The following TTC28 variants were observed in gnomAD, a reference collection of about 807,000 sequenced individuals.
TTC28 encodes the protein tetratricopeptide repeat protein 28.
TTC28 carries 61 observed loss-of-function variants against 198.0 expected under a neutral mutation model. The observed-to-expected ratio is 0.31, with a 90% CI of 0.25 to 0.38. The LOEUF (loss-of-function observed/expected upper bound fraction) is 0.38, where lower values mean the gene tolerates loss of function less well. Among genes scored for constraint, TTC28 ranks in the 10% least tolerant of loss-of-function variants. The probability of loss-of-function intolerance (pLI) is 1.00; values close to 1 mark genes in which losing one functional copy is unlikely to be tolerated. For missense variants in TTC28, 2,678 were observed against 3,164.0 expected (o/e 0.85, Z 3.69); for synonymous variants, 1,171 against 1,297.8 (o/e 0.90, Z 2.10).
chr22:28,016,406 C>T (rs1938380052), intron 13 of TTC28, among the ~76,000 whole-genome samples: 1 of 152,232 alleles, frequency 6.6e-6, no homozygotes, highest in African/African-American at 2.4e-5. Flanking sequence ...CTGTTGGTTA[C>T]CACACACACG....
chr22:28,381,534 A>G (rs1243668169), intron 2 of TTC28, among the ~76,000 whole-genome samples: 4 of 152,072 alleles, frequency 2.6e-5, no homozygotes. Flanking sequence ...CTCTGATGAT[A>G]TTTTTTGTGG....
intron 5 of TTC28, among the ~76,000 whole-genome samples, chr22:28,235,881 C>G (rs548340070): frequency 2.0e-5 from 3 of 152,316 alleles, no homozygotes; most frequent in Admixed American, 1.3e-4. Context: ...GAACCCTCTT[C>G]TTTGTATGGT....
At chr22:28,622,012 G>A (rs1023887198) in intron 2 of TTC28, among the ~76,000 whole-genome samples, 3 of 152,004 alleles carry the variant, frequency 2.0e-5, no homozygotes, top group African/African-American at 4.8e-5. Flanking sequence ...GAAAACAACT[G>A]TAAAGTCTAG....
chr22:28,040,936 C>T (rs1322184459), intron 12 of TTC28, among the ~76,000 whole-genome samples: 1 of 152,148 alleles, frequency 6.6e-6, no homozygotes, highest in East Asian at 1.9e-4. Flanking sequence ...TTCCTCTACA[C>T]CAATAATAGA....
rs1332258071 is a variant in TTC28, at chr22:28,090,956, C to CTAAG, written c.3932+3120_3932+3123dup. 3.9e-5 allele frequency among the ~76,000 whole-genome samples: 6 copies of CTAAG among 152,262 alleles called. No individual in the cohort carries two copies. The East Asian group carries it at 1.2e-3, about 29-fold the overall frequency. ...CAGGAAAAACCTTATTTCTAGCAGT[C>CTAAG]TAAGGGGAAGATCTAGGCTACTGAG... is the stretch of plus-strand genomic sequence containing the variant. On this transcript the variant is annotated intron_variant, in intron 12 of 22. Coordinates refer to ENST00000397906, the MANE Select transcript of TTC28 (RefSeq NM_001145418.2).
chr22:28,501,046 TCA>T (rs1163073945), intron 2 of TTC28, among the ~76,000 whole-genome samples: 1 of 152,188 alleles, frequency 6.6e-6, no homozygotes, highest in Non-Finnish European at 1.5e-5. Flanking sequence ...ACAATATTCC[TCA>T]GTTTCTCTTT....
chr22:28,565,219 C>T (rs1233335351), intron 2 of TTC28, among the ~76,000 whole-genome samples: 2 of 152,018 alleles, frequency 1.3e-5, no homozygotes, highest in Middle Eastern at 3.4e-3. Context: ...GCTATGCTCC[C>T]TATGTCCCCA....
intron 6 of TTC28, among the ~76,000 whole-genome samples, chr22:28,152,854 T>C (rs189015349): frequency 1.3e-5 from 2 of 152,342 alleles, no homozygotes; most frequent in East Asian, 3.9e-4. Context: ...TAATCCAATG[T>C]ATAACAATTA....
intron 6 of TTC28, among the ~76,000 whole-genome samples, chr22:28,128,913 C>T (rs1942983933): frequency 1.3e-5 from 2 of 152,074 alleles, no homozygotes; most frequent in African/African-American, 2.4e-5. Flanking sequence ...TTAAGTAAGT[C>T]GTACCTGACA....
At chr22:28,415,435 A>G (rs892887405) in intron 2 of TTC28, among the ~76,000 whole-genome samples, 8 of 152,236 alleles carry the variant, frequency 5.3e-5, no homozygotes, top group Non-Finnish European at 1.0e-4. Context: ...GACTAGAATT[A>G]TAGTAAGATC....
intron 2 of TTC28, among the ~76,000 whole-genome samples, chr22:28,521,062 A>G (rs1394729702): frequency 6.6e-6 from 1 of 152,046 alleles, no homozygotes; most frequent in African/African-American, 2.4e-5. Flanking sequence ...GAACAAAACA[A>G]AACAAAACAA....
intron 12 of TTC28, among the ~76,000 whole-genome samples, chr22:28,064,268 T>A (rs1940666764): frequency 6.6e-6 from 1 of 152,084 alleles, no homozygotes; most frequent in South Asian, 2.1e-4. Flanking sequence ...TGTCTGTGGG[T>A]TTGCTGTCTT....
intron 12 of TTC28, among the ~76,000 whole-genome samples, chr22:28,062,416 T>C (rs925590039): frequency 1.1e-4 from 8 of 74,292 alleles, no homozygotes; most frequent in African/African-American, 4.3e-4. Flanking sequence ...AACTCTTCTT[T>C]TTTTTTTTTT....
At chr22:28,126,186 C>T (rs1411295759) in intron 6 of TTC28, among the ~76,000 whole-genome samples, 1 of 152,180 alleles carries the variant, frequency 6.6e-6, no homozygotes, top group African/African-American at 2.4e-5. Context: ...TCTCCATTGA[C>T]AAGAGTCCCT....
chr22:28,638,313 A>G (rs938035141), intron 1 of TTC28, among the ~76,000 whole-genome samples: 4 of 152,148 alleles, frequency 2.6e-5, no homozygotes, highest in Non-Finnish European at 5.9e-5. Context: ...CTCTATATAA[A>G]AAATCACAGG....
chr22:28,334,755 G>C (rs1028338952), intron 2 of TTC28, among the ~76,000 whole-genome samples: 1 of 152,120 alleles, frequency 6.6e-6, no homozygotes, highest in Non-Finnish European at 1.5e-5. Context: ...TTACCCCTTT[G>C]TCAGATGAGC....
chr22:28,527,776 C>T (rs543061945), intron 2 of TTC28, among the ~76,000 whole-genome samples: 1 of 152,112 alleles, frequency 6.6e-6, no homozygotes, highest in Admixed American at 6.6e-5. Context: ...GCTGGGACTA[C>T]AGGCACATGC....
chr22:28,073,645 C>T (rs1165759993), intron 12 of TTC28, among the ~76,000 whole-genome samples: 1 of 152,184 alleles, frequency 6.6e-6, no homozygotes. Flanking sequence ...TTGTTCAACA[C>T]ACATCCACTC....
At chr22:28,086,480 A>G (rs1170639916) in intron 12 of TTC28, among the ~76,000 whole-genome samples, 1 of 152,172 alleles carries the variant, frequency 6.6e-6, no homozygotes. Context: ...ACAAAGACAC[A>G]ACATACCATA....
Sources: allele counts gnomAD v4.1 joint callset (sites outside exome capture counted in the v4.1 genomes callset), GRCh38; gene constraint gnomAD v4.1.1; transcripts MANE v1.5; gene names NCBI Gene and HGNC (gene_info 2026-07-23, HGNC 2026-07-21).